Variants in SLC51B observed in about 807,000 individuals in gnomAD.
SLC51B encodes the protein SLC51 subunit beta, also known as organic solute transporter subunit beta.
SLC51B carries 6 observed loss-of-function variants against 8.0 expected under a neutral mutation model. The observed-to-expected ratio is 0.75, with a 90% CI of 0.41 to 1.48. The LOEUF (loss-of-function observed/expected upper bound fraction) is 1.48, where lower values mean the gene tolerates loss of function less well. Among genes scored for constraint, SLC51B ranks in the 40% most tolerant of loss-of-function variants. The pLI is 0.01. For missense variants in SLC51B, 150 were observed against 149.7 expected (o/e 1.00, Z -0.01); for synonymous variants, 61 against 54.8 (o/e 1.11, Z -0.50).
intron 1 of SLC51B, chr15:65,049,492 T>C (rs1467232752): frequency 6.6e-6 from 1 of 152,184 alleles, no homozygotes; most frequent in East Asian, 1.9e-4. Context: ...AGGCCCAGCC[T>C]TTGACATGTG....
chr15:65,050,607 G>C (rs1348300195), intron 2 of SLC51B, among the ~76,000 whole-genome samples: 1 of 152,142 alleles, frequency 6.6e-6, no homozygotes, highest in African/African-American at 2.4e-5. Context: ...GGAAACTAAG[G>C]AAATAATTAG....
Position 65,053,030 on chromosome 15 carries a change from G to T in SLC51B, c.253G>T (p.Asp85Tyr). 1 of 1,613,926 alleles carries T rather than the reference G, an allele frequency of 6.2e-7. No individual in the cohort carries two copies. The highest frequency in any genetic ancestry group is 2.2e-5 in the East Asian group (1 of 44,878). Residue 85 changes from aspartate to tyrosine, a missense_variant, in exon 4 of 4, where the codon GAT becomes TAT. By Grantham distance (160) the Asp-to-Tyr change is radical (BLOSUM62 -3). Coordinates refer to ENST00000334287, the MANE Select transcript of SLC51B (RefSeq NM_178859.4). ...PEVLHLDEAKDHNSLNNLRET... is the reference protein window; with the variant it reads ...PEVLHLDEAKYHNSLNNLRET... ...AGTCCTGCATTTGGATGAGGCCAAG[G>T]ATCACAACAGCCTAAACAACCTAAG...
intron 1 of SLC51B, among the ~76,000 whole-genome samples, chr15:65,047,916 G>A (rs189540539): frequency 1.6e-4 from 24 of 152,248 alleles, no homozygotes; most frequent in African/African-American, 5.5e-4. Context: ...CGGTGGCTCA[G>A]GCCTGTATTC....
At chr15:65,052,673 A>G (rs528034721) in intron 3 of SLC51B, among the ~76,000 whole-genome samples, 50 of 152,232 alleles carry the variant, frequency 3.3e-4, no homozygotes, top group African/African-American at 1.2e-3. Context: ...CTGGGATTAC[A>G]GGTGTGAGCC....
In SLC51B at chr15:65,053,102, G is replaced by A; in HGVS notation, c.325G>A (p.Glu109Lys). The change falls in exon 4 of 4, where the codon GAG becomes AAG. Residue 109 changes from glutamate to lysine, a missense_variant. Glu to Lys is a moderately conservative substitution (Grantham distance 56). Transcript: ENST00000334287. ...GCCAAACTTGGCCCAGGTGGAACTT[G>A]AGTTAAAAGAGAGAGATGTGCTGTC... The part of the protein sequence containing the change: ...EKPNLAQVEL[E>K]LKERDVLSVF... The A allele has an allele frequency of 6.2e-7, 1 of 1,614,120 alleles. No individual in the cohort carries two copies. Among genetic ancestry groups the A allele is most frequent in the Non-Finnish European group, 8.5e-7 (1 of 1,180,036 alleles).
chr15:65,050,833 C>CTTTTT (rs67418433), intron 2 of SLC51B, among the ~76,000 whole-genome samples: 30 of 88,554 alleles, frequency 3.4e-4, no homozygotes, highest in African/African-American at 5.0e-4. Flanking sequence ...TCTTCTTCTT[C>CTTTTT]TTCTTTTTTT....
intron 1 of SLC51B, among the ~76,000 whole-genome samples, chr15:65,046,266 A>C (rs1182796723): frequency 6.6e-6 from 1 of 152,204 alleles, no homozygotes; most frequent in East Asian, 1.9e-4. Context: ...GTGCCACTAC[A>C]CTCCAGCCTG....
intron 1 of SLC51B, among the ~76,000 whole-genome samples, chr15:65,046,028 G>A (rs923260247): frequency 2.6e-5 from 4 of 151,392 alleles, no homozygotes; most frequent in African/African-American, 7.3e-5. Flanking sequence ...GGCCGGGTGC[G>A]GTGGCTCATG....
At position 65,053,289 on chromosome 15, in the gene SLC51B, T is replaced by A. The variant is rs1050904758; in HGVS notation, c.*125T>A. On this transcript the variant is annotated 3_prime_UTR_variant, in exon 4 of 4. Transcript: ENST00000334287. ...GCTTTTTTCTTTTTCTTTCTTTCTT[T>A]TTTTTTTTCTTAGCAGATACAATGA... The A allele has an allele frequency of 7.0e-7, 1 of 1,432,232 alleles. No individual in the cohort carries two copies. Among genetic ancestry groups the A allele is most frequent in the East Asian group, 2.5e-5 (1 of 40,414 alleles). The allele number at this position is 1,432,232 out of a possible 1,614,324, so 88.7% of individuals were successfully genotyped here.
At chr15:65,051,430 G>T in intron 2 of SLC51B, 85 bp from the exon 3 acceptor site, 2 of 1,298,758 alleles carry the variant, frequency 1.5e-6, no homozygotes, top group Non-Finnish European at 2.2e-6. Flanking sequence ...CTGTAAGCTG[G>T]GTCTGAGCCC....
At chr15:65,051,999 C>G (rs1269062425) in intron 3 of SLC51B, among the ~76,000 whole-genome samples, 1 of 152,144 alleles carries the variant, frequency 6.6e-6, no homozygotes, top group East Asian at 1.9e-4. Context: ...TCTAGGCAGA[C>G]AGCTTACCAC....
intron 3 of SLC51B, among the ~76,000 whole-genome samples, chr15:65,052,020 C>T (rs1476185032): frequency 6.6e-6 from 1 of 152,184 alleles, no homozygotes; most frequent in Admixed American, 6.5e-5. Flanking sequence ...CGCTGGGTCC[C>T]TCCACTATGG....
At chr15:65,050,183 T>C in intron 2 of SLC51B, 82 bp downstream of exon 2, 1 of 1,103,116 alleles carries the variant, frequency 9.1e-7, no homozygotes, top group South Asian at 1.5e-5. Flanking sequence ...CCTGACACTG[T>C]CGTCCCCTCC....
At chr15:65,051,755 C>T in intron 3 of SLC51B, 150 bp downstream of exon 3, 1 of 596,616 alleles carries the variant, frequency 1.7e-6, no homozygotes, top group Non-Finnish European at 2.9e-6. Context: ...CTTCGAGAAC[C>T]CCAAGCTGTT....
At chr15:65,052,045 G>A (rs2086660534) in intron 3 of SLC51B, among the ~76,000 whole-genome samples, 1 of 152,158 alleles carries the variant, frequency 6.6e-6, no homozygotes, top group African/African-American at 2.4e-5. Context: ...GAAGTCTAGG[G>A]GTACCTTGAA....
At chr15:65,049,393 G>A (rs1160140301) in intron 1 of SLC51B, 1 of 151,646 alleles carries the variant, frequency 6.6e-6, no homozygotes, top group East Asian at 1.9e-4. Context: ...CTCAGCATCA[G>A]GAGCCGGCAG....
At chr15:65,050,334 A>C (rs1198629227) in intron 2 of SLC51B, among the ~76,000 whole-genome samples, 2 of 152,174 alleles carry the variant, frequency 1.3e-5, no homozygotes, top group African/African-American at 2.4e-5. Flanking sequence ...ACATTTATTA[A>C]GCTCCTACTC....
intron 1 of SLC51B, among the ~76,000 whole-genome samples, chr15:65,047,771 T>C (rs558298994): frequency 6.7e-6 from 1 of 148,270 alleles, no homozygotes; most frequent in South Asian, 2.2e-4. Flanking sequence ...GGCAGATAGA[T>C]AGATAGACAG....
At chr15:65,050,833 CTTCTTTTTT>C (rs1411724933) in intron 2 of SLC51B, among the ~76,000 whole-genome samples, 3 of 88,600 alleles carry the variant, frequency 3.4e-5, no homozygotes, top group African/African-American at 9.1e-5. Flanking sequence ...TCTTCTTCTT[CTTCTTTTTT>C]TTTTTTTTTT....
Sources: allele counts gnomAD v4.1 joint callset (sites outside exome capture counted in the v4.1 genomes callset), GRCh38; gene constraint gnomAD v4.1.1; transcripts MANE v1.5; gene names NCBI Gene and HGNC (gene_info 2026-07-23, HGNC 2026-07-21).